Variants in EGR1 observed in about 807,000 individuals in gnomAD.
EGR1 encodes the protein early growth response 1.
A neutral mutation model predicts 30.2 loss-of-function variants in EGR1; 8 were observed. The observed-to-expected ratio is 0.26, with a 90% confidence interval of 0.16 to 0.48. EGR1 has a LOEUF of 0.48. Among genes scored for constraint, EGR1 ranks in the 20% least tolerant of loss-of-function variants. EGR1 has a pLI of 0.99. For synonymous variants in EGR1, 334 were observed against 312.8 expected, an observed-to-expected ratio of 1.07 and a Z score of -0.72; for missense variants, 568 against 732.3, an observed-to-expected ratio of 0.78 and a Z score of 2.59.
In EGR1 at chr5:138,468,211, C is replaced by T; in HGVS notation, c.*130C>T. On this transcript the variant is annotated 3_prime_UTR_variant, in exon 2 of 2. Coordinates refer to ENST00000239938, the MANE Select transcript of EGR1 (RefSeq NM_001964.3). ...ATGGAGGTTCTCAGAGCCAAGTCCT[C>T]CCTCTCTACTGGAGTGGAAGGTCTA... 1 of 1,503,172 alleles carries T rather than the reference C, an allele frequency of 6.7e-7. No homozygotes were observed. Among genetic ancestry groups the T allele is most frequent in the Non-Finnish European group, 8.9e-7 (1 of 1,121,346 alleles). The allele number at this position is 1,503,172 out of a possible 1,614,324, so 93.1% of individuals were successfully genotyped here. A position where few individuals can be genotyped will look rare whatever the true frequency, so the allele number is the denominator to read the frequency against.
At position 138,467,595 on chromosome 5, in the gene EGR1, C is replaced by T; in HGVS notation, c.1146C>T (p.His382=). 3 of 1,613,938 alleles carry T rather than the reference C, an allele frequency of 1.9e-6. No homozygotes were observed. Among genetic ancestry groups the T allele is most frequent in the Non-Finnish European group, 1.7e-6 (2 of 1,180,018 alleles). ...ICMRNFSRSD[H]LTTHIRTHTG... is the part of the protein sequence containing the mutation. ...TGCGCAACTTCAGCCGCAGCGACCA[C>T]CTCACCACCCACATCCGCACCCACA... The change falls in exon 2 of 2, where the codon CAC becomes CAT. Residue 382 remains histidine (H), a synonymous_variant. Transcript: ENST00000239938. This position sits in a 1 kb window ranked among gnomAD's most constrained non-coding sequence, Gnocchi z 8.3.
Position 138,465,914 on chromosome 5 carries a change from C to A in EGR1, c.153C>A (p.Ala51=), listed in dbSNP as rs147127069. The A allele has an allele frequency of 8.1e-6, 13 of 1,613,660 alleles. No individual in the cohort carries two copies. Among genetic ancestry groups the A allele is most frequent in the Admixed American group, 1.7e-5 (1 of 60,006 alleles). ...LSNGAPQFLG[A]AGAPEGSGSN... ...ACGGGGCTCCCCAGTTCCTCGGCGC[C>A]GCCGGGGCCCCAGAGGGCAGCGGCA... The change falls in exon 1 of 2, where the codon GCC becomes GCA. Residue 51 remains alanine (A), a synonymous_variant. Transcript: ENST00000239938.
In EGR1 at chr5:138,465,843, A is replaced by C. The variant is rs547794631; in HGVS notation, c.82A>C (p.Thr28Pro). 6.2e-7 allele frequency: 1 copy of C among 1,613,936 alleles called. No homozygotes were observed. Among genetic ancestry groups the C allele is most frequent in the African/African-American group, 1.3e-5 (1 of 75,042 alleles). The stretch of plus-strand genomic sequence containing the variant: ...GTTCGGATCCTTTCCTCACTCGCCC[A>C]CCATGGACAACTACCCTAAGCTGGA... ...DPFGSFPHSP[T>P]MDNYPKLEEM... Residue 28 changes from threonine to proline, a missense_variant, in exon 1 of 2, where the codon ACC becomes CCC. Physicochemically the swap from Thr to Pro is conservative, Grantham distance 38. Transcript: ENST00000239938.
Position 138,468,207 on chromosome 5 carries a change from TCCTC to T in EGR1, c.*131_*134del. 1 of 1,506,112 alleles carries T rather than the reference TCCTC, an allele frequency of 6.6e-7. No homozygotes were observed. 93.3% of individuals were successfully genotyped at this position (1,506,112 alleles called of 1,614,324 possible). A position where few individuals can be genotyped will look rare whatever the true frequency, so the allele number is the denominator to read the frequency against. ...TCAGATGGAGGTTCTCAGAGCCAAG[TCCTC>T]CCTCTCTACTGGAGTGGAAGGTCTA... is the stretch of plus-strand genomic sequence containing the variant. On this transcript the variant is annotated 3_prime_UTR_variant, in exon 2 of 2. Coordinates refer to ENST00000239938, the MANE Select transcript of EGR1 (RefSeq NM_001964.3).
Position 138,467,465 on chromosome 5 carries a change from C to T in EGR1, c.1016C>T (p.Ala339Val), listed in dbSNP as rs202118818. Reference protein sequence around the residue: ...SKTPPHERPYACPVESCDRRF... With the variant: ...SKTPPHERPYVCPVESCDRRF... ...ACGCCCCCCCACGAACGCCCTTACG[C>T]TTGCCCAGTGGAGTCCTGTGATCGC... The change falls in exon 2 of 2, where the codon GCT becomes GTT. Residue 339 changes from alanine (A) to valine (V), a missense_variant. This residue lies in a region of EGR1 where 18 missense variants were observed against 27.7 expected (regional missense o/e 0.65). Transcript: ENST00000239938. This position sits in a 1 kb window ranked among gnomAD's most constrained non-coding sequence, Gnocchi z 8.3. 2.5e-6 allele frequency: 4 copies of T among 1,613,870 alleles called. No homozygotes were observed. Among genetic ancestry groups the T allele is most frequent in the Non-Finnish European group, 3.4e-6 (4 of 1,180,034 alleles).
Position 138,467,194 on chromosome 5 carries a change from G to T in EGR1, c.745G>T (p.Val249Phe), listed in dbSNP as rs1412243365. The change falls in exon 2 of 2, where the codon GTT becomes TTT. Residue 249 changes from valine (V) to phenylalanine (F), a missense_variant. Coordinates refer to ENST00000239938, the MANE Select transcript of EGR1 (RefSeq NM_001964.3). The surrounding 1 kb of genome is among the most constrained non-coding windows in gnomAD (Gnocchi z 8.3). The part of the protein sequence containing the change: ...AYPAAKGGFQ[V>F]PMIPDYLFPQ... ...CCCTGCCGCCAAGGGTGGCTTCCAG[G>T]TTCCCATGATCCCCGACTACCTGTT... is the stretch of plus-strand genomic sequence containing the variant. The T allele has an allele frequency of 6.2e-7, 1 of 1,612,858 alleles. No homozygotes were observed.
At chr5:138,466,149 A>G in intron 1 of EGR1, 81 bp downstream of exon 1, 2 of 1,447,306 alleles carry the variant, frequency 1.4e-6, no homozygotes, top group Non-Finnish European at 1.8e-6. Flanking sequence ...GTGCTCCTGG[A>G]TCTTAGAATG....
chr5:138,467,381 A>C lies in EGR1; in HGVS notation c.932A>C (p.Tyr311Ser). 6.2e-7 allele frequency: 1 copy of C among 1,614,026 alleles called. No individual in the cohort carries two copies. Among genetic ancestry groups the C allele is most frequent in the Non-Finnish European group, 8.5e-7 (1 of 1,179,998 alleles). Reference protein sequence around the residue: ...SQDLKALNTSYQSQLIKPSRM... With the variant: ...SQDLKALNTSSQSQLIKPSRM... ...GACCTGAAGGCCCTCAATACCAGCTACCAGTCCCAGCTCATCAAACCCAGC... is the reference window on the plus strand; with the variant it reads ...GACCTGAAGGCCCTCAATACCAGCTCCCAGTCCCAGCTCATCAAACCCAGC... The change falls in exon 2 of 2, where the codon TAC becomes TCC. Residue 311 changes from tyrosine (Y) to serine (S), a missense_variant. Physicochemically the swap from Tyr to Ser is moderately radical, Grantham distance 144. Transcript: ENST00000239938. The surrounding 1 kb of genome is among the most constrained non-coding windows in gnomAD (Gnocchi z 8.3).
At position 138,469,024 on chromosome 5, in the gene EGR1, C is replaced by T. The variant is rs200901442; in HGVS notation, c.*943C>T. The T allele has an allele frequency of 6.6e-6, 1 of 152,406 alleles. No individual in the cohort carries two copies. Among genetic ancestry groups the T allele is most frequent in the Non-Finnish European group, 1.5e-5 (1 of 68,008 alleles). The allele number at this position is 152,406 out of a possible 1,614,324, so 9.4% of individuals were successfully genotyped here. A position where few individuals can be genotyped will look rare whatever the true frequency, so the allele number is the denominator to read the frequency against. On this transcript the variant is annotated 3_prime_UTR_variant, in exon 2 of 2. Coordinates refer to ENST00000239938, the MANE Select transcript of EGR1 (RefSeq NM_001964.3). Reference sequence around the variant, plus strand: ...TCTCCAGAATGTAAGAAAACAAAATCTAAAACAAAATCTGAACTCTCAAAA... The same window carrying T: ...TCTCCAGAATGTAAGAAAACAAAATTTAAAACAAAATCTGAACTCTCAAAA...
rs1296620472 is a variant in EGR1, at chr5:138,467,927, C to T, written c.1478C>T (p.Pro493Leu). Residue 493 changes from proline to leucine, a missense_variant, in exon 2 of 2, where the codon CCG (proline) becomes CTG (leucine). Pro to Leu is a moderately conservative substitution (Grantham distance 98). Around this residue, in one of 4 missense-constraint regions of EGR1, gnomAD observed 118 missense variants for 161.6 expected, o/e 0.73. Coordinates refer to ENST00000239938, the MANE Select transcript of EGR1 (RefSeq NM_001964.3). The surrounding 1 kb of genome is among the most constrained non-coding windows in gnomAD (Gnocchi z 8.3). ...CCTGTGCACAGTGGCTTCCCCTCCC[C>T]GTCGGTGGCCACCACGTACTCCTCT... is the stretch of plus-strand genomic sequence containing the variant. ...PSPVHSGFPS[P>L]SVATTYSSVP... The T allele has an allele frequency of 1.2e-6, 2 of 1,613,400 alleles. No individual in the cohort carries two copies. Among genetic ancestry groups the T allele is most frequent in the Non-Finnish European group, 8.5e-7 (1 of 1,179,576 alleles).
chr5:138,467,504 C>T lies in EGR1; in HGVS notation c.1055C>T (p.Ser352Phe). ...VESCDRRFSR[S>F]DELTRHIRIH... The stretch of plus-strand genomic sequence containing the variant: ...TCCTGTGATCGCCGCTTCTCCCGCT[C>T]CGACGAGCTCACCCGCCACATCCGC... The change falls in exon 2 of 2, where the codon TCC becomes TTC. Residue 352 changes from serine to phenylalanine, a missense_variant. Physicochemically the swap from Ser to Phe is radical, Grantham distance 155 (BLOSUM62 -2). Transcript: ENST00000239938. The surrounding 1 kb of genome is among the most constrained non-coding windows in gnomAD (Gnocchi z 8.3). 1.2e-6 allele frequency: 2 copies of T among 1,611,636 alleles called. No individual in the cohort carries two copies. The highest frequency in any genetic ancestry group is 1.7e-6 in the Non-Finnish European group (2 of 1,179,980).
chr5:138,468,123 C>T lies in EGR1; in HGVS notation c.*42C>T. 2 of 1,538,100 alleles carry T rather than the reference C, an allele frequency of 1.3e-6. No individual in the cohort carries two copies. ...AAGGGAAAAGGGAGAAAAAGAAACACAAGAGACTTAAAGGACAGGAGGAGG... is the reference window on the plus strand; with the variant it reads ...AAGGGAAAAGGGAGAAAAAGAAACATAAGAGACTTAAAGGACAGGAGGAGG... On this transcript the variant is annotated 3_prime_UTR_variant, in exon 2 of 2. Coordinates refer to ENST00000239938, the MANE Select transcript of EGR1 (RefSeq NM_001964.3).
At position 138,466,964 on chromosome 5, in the gene EGR1, C is replaced by A. The variant is rs774169562; in HGVS notation, c.515C>A (p.Ser172Tyr). ...ATGACCAACCCACCGGCCTCCTCGT[C>A]CTCAGCACCATCTCCAGCGGCCTCC... ...VSMTNPPASS[S>Y]SAPSPAASSA... The change falls in exon 2 of 2, where the codon TCC becomes TAC. Residue 172 changes from serine (S) to tyrosine (Y), a missense_variant. By Grantham distance (144) the Ser-to-Tyr change is moderately radical. Transcript: ENST00000239938. The A allele has an allele frequency of 1.9e-6, 3 of 1,614,082 alleles. No individual in the cohort carries two copies. The South Asian group carries it at 3.3e-5, about 18-fold the overall frequency.
In EGR1 at chr5:138,467,451, C is replaced by G. The variant is rs1304806674; in HGVS notation, c.1002C>G (p.His334Gln). The change falls in exon 2 of 2, where the codon CAC (histidine) becomes CAG (glutamine). Residue 334 changes from histidine (H) to glutamine (Q), a missense_variant. Physicochemically the swap from His to Gln is conservative, Grantham distance 24. This residue lies in a region of EGR1 where 415 missense variants were observed against 445.2 expected (regional missense o/e 0.93). Coordinates refer to ENST00000239938, the MANE Select transcript of EGR1 (RefSeq NM_001964.3). The surrounding 1 kb of genome is among the most constrained non-coding windows in gnomAD (Gnocchi z 8.3). ...ACCGGCCCAGCAAGACGCCCCCCCA[C>G]GAACGCCCTTACGCTTGCCCAGTGG... is the stretch of plus-strand genomic sequence containing the variant. ...YPNRPSKTPP[H>Q]ERPYACPVES... is the part of the protein sequence containing the mutation. The G allele has an allele frequency of 6.2e-7, 1 of 1,614,144 alleles. No individual in the cohort carries two copies. Among genetic ancestry groups the G allele is most frequent in the South Asian group, 1.1e-5 (1 of 91,082 alleles).
Position 138,467,189 on chromosome 5 carries a change from TCCAGGTTCCCATGATCCC to T in EGR1, c.742_759del (p.Gln248_Pro253del). 1.2e-6 allele frequency: 2 copies of T among 1,612,990 alleles called. No individual in the cohort carries two copies. On this transcript the variant is annotated inframe_deletion, in exon 2 of 2. Coordinates refer to ENST00000239938, the MANE Select transcript of EGR1 (RefSeq NM_001964.3). This position sits in a 1 kb window ranked among gnomAD's most constrained non-coding sequence, Gnocchi z 8.3. ...GCCTACCCTGCCGCCAAGGGTGGCTTCCAGGTTCCCATGATCCCCGACTACCTGTTTCCACAGCAGCAG... is the reference window on the plus strand; with the variant it reads ...GCCTACCCTGCCGCCAAGGGTGGCTTCGACTACCTGTTTCCACAGCAGCAG...
In EGR1 at chr5:138,465,837, T is replaced by C. The variant is rs149170181; in HGVS notation, c.76T>C (p.Ser26Pro). ...ISDPFGSFPH[S>P]PTMDNYPKLE... ...TGACCCGTTCGGATCCTTTCCTCAC[T>C]CGCCCACCATGGACAACTACCCTAA... is the stretch of plus-strand genomic sequence containing the variant. Residue 26 changes from serine (S) to proline (P), a missense_variant, in exon 1 of 2, where the codon TCG becomes CCG. Transcript: ENST00000239938. 889 of 1,613,886 alleles carry C rather than the reference T, an allele frequency of 5.5e-4. No individual in the cohort carries two copies. The highest frequency in any genetic ancestry group is 7.3e-4 in the Non-Finnish European group (861 of 1,179,840).
rs898320714 is a variant in EGR1 at position 138,466,006 on chromosome 5, G to C, written c.245G>C (p.Ser82Thr). 1 of 1,608,486 alleles carries C rather than the reference G, an allele frequency of 6.2e-7. No individual in the cohort carries two copies. Among genetic ancestry groups the C allele is most frequent in the Non-Finnish European group, 8.5e-7 (1 of 1,177,656 alleles). ...GGGGGCGGCAGCAACAGCAGCAGCA[G>C]CAGCAGCACCTTCAACCCTCAGGCG... Reference protein sequence around the residue: ...GGGGGSNSSSSSSTFNPQADT... With the variant: ...GGGGGSNSSSTSSTFNPQADT... Residue 82 changes from serine to threonine, a missense_variant, in exon 1 of 2, where the codon AGC (serine) becomes ACC (threonine). Ser to Thr is a moderately conservative substitution (Grantham distance 58). This residue lies in a region of EGR1 where 415 missense variants were observed against 445.2 expected (regional missense o/e 0.93). Transcript: ENST00000239938.
chr5:138,467,768 C>T lies in EGR1; in HGVS notation c.1319C>T (p.Ser440Phe), dbSNP rs1764178126. ...GCCTCTTCGGCCACCTCCTCTCTCTCTTCCTACCCGTCCCCGGTTGCTACC... is the reference window on the plus strand; with the variant it reads ...GCCTCTTCGGCCACCTCCTCTCTCTTTTCCTACCCGTCCCCGGTTGCTACC... The part of the protein sequence containing the change: ...VVASSATSSL[S>F]SYPSPVATSY... The change falls in exon 2 of 2, where the codon TCT (serine) becomes TTT (phenylalanine). Residue 440 changes from serine to phenylalanine, a missense_variant. Physicochemically the swap from Ser to Phe is radical, Grantham distance 155. Around this residue, in one of 4 missense-constraint regions of EGR1, gnomAD observed 118 missense variants for 161.6 expected, o/e 0.73. Coordinates refer to ENST00000239938, the MANE Select transcript of EGR1 (RefSeq NM_001964.3). The surrounding 1 kb of genome is among the most constrained non-coding windows in gnomAD (Gnocchi z 8.3). 6.2e-7 allele frequency: 1 copy of T among 1,614,158 alleles called. No individual in the cohort carries two copies. The highest frequency in any genetic ancestry group is 8.5e-7 in the Non-Finnish European group (1 of 1,180,012).
In EGR1 at chr5:138,467,774, A is replaced by C. The variant is rs746308508; in HGVS notation, c.1325A>C (p.Tyr442Ser). ...ASSATSSLSS[Y>S]PSPVATSYPS... is the part of the protein sequence containing the mutation. ...TCGGCCACCTCCTCTCTCTCTTCCT[A>C]CCCGTCCCCGGTTGCTACCTCTTAC... Residue 442 changes from tyrosine (Y) to serine (S), a missense_variant, in exon 2 of 2, where the codon TAC becomes TCC. Transcript: ENST00000239938. The surrounding 1 kb of genome is among the most constrained non-coding windows in gnomAD (Gnocchi z 8.3). The C allele has an allele frequency of 1.9e-6, 3 of 1,613,346 alleles. No homozygotes were observed. Among genetic ancestry groups the C allele is most frequent in the Non-Finnish European group, 2.5e-6 (3 of 1,179,660 alleles).
Sources: allele counts gnomAD v4.1 joint callset, GRCh38; gene constraint gnomAD v4.1.1; regional missense constraint gnomAD v4.1.1; non-coding constraint Gnocchi (gnomAD v3.1); transcripts MANE v1.5; gene names NCBI Gene and HGNC (gene_info 2026-07-23, HGNC 2026-07-21).